The following DACH1 variants were observed in gnomAD, a reference collection of about 807,000 sequenced individuals.
DACH1 encodes dachshund homolog 1.
Under a neutral mutation model 54.2 loss-of-function variants are expected in DACH1, and 12 were observed. That is an observed-to-expected ratio of 0.22 (90% CI 0.14 to 0.36). The LOEUF (loss-of-function observed/expected upper bound fraction) is 0.36, where lower values mean the gene tolerates loss of function less well. Ranked by LOEUF, DACH1 falls within the 10% of genes least tolerant of loss-of-function variation. The pLI, the probability that DACH1 is intolerant of heterozygous loss-of-function variation, is 1.00. For synonymous variants in DACH1, 386 were observed against 366.2 expected (o/e 1.05, Z -0.62); for missense variants, 805 against 929.8 (o/e 0.87, Z 1.75).
intron 1 of DACH1, among the ~76,000 whole-genome samples, chr13:71,717,607 C>T (rs946268365): frequency 7.3e-5 from 11 of 150,872 alleles, no homozygotes; most frequent in South Asian, 6.3e-4. Context: ...TATGTTTTTT[C>T]GTTAAATTGC....
chr13:71,863,074 AG>A (rs1874463032), intron 1 of DACH1, among the ~76,000 whole-genome samples: 2 of 152,152 alleles, frequency 1.3e-5, no homozygotes, highest in African/African-American at 4.8e-5. Flanking sequence ...TGAATAAAAA[AG>A]GTTCTTCACA....
chr13:71,792,014 A>G (rs1886852890), intron 1 of DACH1, among the ~76,000 whole-genome samples: 1 of 152,162 alleles, frequency 6.6e-6, no homozygotes, highest in African/African-American at 2.4e-5. Context: ...CATTTGGTAC[A>G]TGATGATGTA....
At chr13:71,799,521 C>T (rs1048043867) in intron 1 of DACH1, among the ~76,000 whole-genome samples, 6 of 152,114 alleles carry the variant, frequency 3.9e-5, no homozygotes, top group African/African-American at 1.4e-4. Context: ...TAGCTTACAC[C>T]ATTTGCCACA....
intron 1 of DACH1, among the ~76,000 whole-genome samples, chr13:71,795,469 G>A (rs1408488971): frequency 2.6e-5 from 4 of 152,028 alleles, no homozygotes; most frequent in Non-Finnish European, 5.9e-5. Flanking sequence ...CCATCTCTTC[G>A]AGGGAGGGCT....
chr13:71,676,665 AAT>A (rs1353158514), intron 2 of DACH1, among the ~76,000 whole-genome samples: 2 of 152,212 alleles, frequency 1.3e-5, no homozygotes, highest in East Asian at 1.9e-4. Flanking sequence ...TTAAATTTGA[AAT>A]ATGTTTATGA....
At chr13:71,543,636 T>C (rs1044537000) in intron 6 of DACH1, among the ~76,000 whole-genome samples, 1 of 152,076 alleles carries the variant, frequency 6.6e-6, no homozygotes, top group African/African-American at 2.4e-5. Context: ...GTGAGGTAAG[T>C]AGATATATTG....
chr13:71,692,443 T>C (rs1391481980), intron 1 of DACH1, among the ~76,000 whole-genome samples: 1 of 151,594 alleles, frequency 6.6e-6, no homozygotes, highest in Non-Finnish European at 1.5e-5. Context: ...CTTTAGGATA[T>C]CATGATTTGT....
At chr13:71,679,740 T>G (rs2138697450) in intron 2 of DACH1, among the ~76,000 whole-genome samples, 1 of 152,068 alleles carries the variant, frequency 6.6e-6, no homozygotes, top group African/African-American at 2.4e-5. Context: ...ATCCCAGCAC[T>G]TTGGGAGGCC....
intron 4 of DACH1, among the ~76,000 whole-genome samples, chr13:71,560,256 C>A (rs1884504791): frequency 6.6e-6 from 1 of 151,936 alleles, no homozygotes. Flanking sequence ...CAAATAAGAA[C>A]CCATTAGACA....
chr13:71,459,801 T>C (rs1875915256), intron 10 of DACH1, among the ~76,000 whole-genome samples: 1 of 151,992 alleles, frequency 6.6e-6, no homozygotes, highest in South Asian at 2.1e-4. Flanking sequence ...TCACCTAATA[T>C]TGCTAAAATT....
intron 6 of DACH1, among the ~76,000 whole-genome samples, chr13:71,522,265 G>A (rs1167397986): frequency 6.6e-6 from 1 of 151,952 alleles, no homozygotes; most frequent in Non-Finnish European, 1.5e-5. Context: ...GAAGACACTG[G>A]GTAGCTTTTT....
At chr13:71,614,220 G>A (rs1875575295) in intron 3 of DACH1, among the ~76,000 whole-genome samples, 1 of 152,128 alleles carries the variant, frequency 6.6e-6, no homozygotes, top group Non-Finnish European at 1.5e-5. Flanking sequence ...TTAACCATTG[G>A]ACTGCATAAT....
intron 1 of DACH1, among the ~76,000 whole-genome samples, chr13:71,794,275 A>G (rs1484948052): frequency 1.3e-5 from 2 of 152,140 alleles, no homozygotes; most frequent in Non-Finnish European, 2.9e-5. Context: ...TCAATCTCCC[A>G]TATGTATAGT....
chr13:71,610,032 G>A (rs934944035), intron 3 of DACH1, among the ~76,000 whole-genome samples: 6 of 151,906 alleles, frequency 3.9e-5, no homozygotes, highest in Non-Finnish European at 7.4e-5. Context: ...TTGTTCTAAA[G>A]TATGGCCAGT....
intron 1 of DACH1, among the ~76,000 whole-genome samples, chr13:71,848,118 A>G (rs1873406632): frequency 6.6e-6 from 1 of 152,116 alleles, no homozygotes. Flanking sequence ...AAGAAATCAG[A>G]GATTCAATAA....
intron 2 of DACH1, among the ~76,000 whole-genome samples, chr13:71,633,960 CT>C (rs1374727258): frequency 4.8e-5 from 7 of 145,456 alleles, no homozygotes; most frequent in African/African-American, 1.8e-4. Context: ...AAGATTTTTT[CT>C]TTTTTCTTCC....
rs902265474 is a variant in DACH1 at position 71,438,463 on chromosome 13, G to A, written c.*2192C>T. 1 of 152,374 alleles carries A rather than the reference G, an allele frequency of 6.6e-6. No individual in the cohort carries two copies. Among genetic ancestry groups the A allele is most frequent in the African/African-American group, 2.4e-5 (1 of 41,426 alleles). The allele number at this position is 152,374 out of a possible 1,614,324, so 9.4% of individuals were successfully genotyped here. ...GAATTGTAATATTTACAACATGTTA[G>A]TAAGAGTCTCTCTTAACATACAGCT... is the stretch of plus-strand genomic sequence containing the variant. On this transcript the variant is annotated 3_prime_UTR_variant, in exon 11 of 11. Transcript: ENST00000613252.
Position 71,852,769 on chromosome 13 carries a change from C to G in DACH1, c.848+13153G>C, listed in dbSNP as rs147076203. On this transcript the variant is annotated intron_variant, in intron 1 of 10. Coordinates refer to ENST00000613252, the MANE Select transcript of DACH1 (RefSeq NM_080759.6). ...AATAGCCAAAGGGAGGGAAAAAACC[C>G]TCAACTGCTAACAGCACATTAACAA... Among the ~76,000 whole-genome samples the G allele has an allele frequency of 1.8e-3, 270 of 152,250 alleles. 1 individual carries two copies. The highest frequency in any genetic ancestry group is 6.4e-3 in the African/African-American group (264 of 41,562).
chr13:71,582,871 T>C (rs1265798631), intron 3 of DACH1, among the ~76,000 whole-genome samples: 2 of 152,116 alleles, frequency 1.3e-5, no homozygotes, highest in African/African-American at 4.8e-5. Flanking sequence ...ATGGAAAGAA[T>C]ACTTAGGATC....
Sources: gnomAD v4.1 joint callset for allele counts (sites outside exome capture counted in the v4.1 genomes callset) on GRCh38, gnomAD v4.1.1 for gene constraint, MANE v1.5 for transcripts, NCBI Gene and HGNC (gene_info 2026-07-23, HGNC 2026-07-21) for gene names.